The following CELSR1 variants were observed in gnomAD, a reference collection of about 807,000 sequenced individuals.
CELSR1 encodes adhesion G protein-coupled receptor C1.
In CELSR1, 110 loss-of-function variants were observed where a neutral mutation model predicts 249.1. The ratio of observed to expected loss-of-function variants is 0.44; its 90% confidence interval spans 0.38 to 0.52. The LOEUF (loss-of-function observed/expected upper bound fraction) is 0.52. Among genes scored for constraint, CELSR1 ranks in the 20% least tolerant of loss-of-function variants. CELSR1 has a pLI of 0.00. For synonymous variants in CELSR1, 2,113 were observed against 1,900.0 expected (o/e 1.11, Z -2.92); for missense variants, 4,109 against 4,296.4 (o/e 0.96, Z 1.22).
At chr22:46,421,348 G>C (rs964490251) in intron 5 of CELSR1, among the ~76,000 whole-genome samples, 5 of 152,282 alleles carry the variant, frequency 3.3e-5, no homozygotes, top group Admixed American at 2.0e-4. Context: ...GGAGGACAGT[G>C]GCTATGATGC....
At position 46,373,071 on chromosome 22, in the gene CELSR1, G is replaced by A. The variant is rs2078873619; in HGVS notation, c.7585-14C>T. The A allele has an allele frequency of 2.5e-6, 4 of 1,579,492 alleles. No homozygotes were observed. The highest frequency in any genetic ancestry group is 3.4e-6 in the Non-Finnish European group (4 of 1,160,448). ...TGTGCACAGAAACTGCGCAGGGAGG[G>A]GCCGCTCAGCAAGGGCCCCTGCATC... On this transcript the variant is annotated splice_polypyrimidine_tract_variant and intron_variant, in intron 24 of 34. Coordinates refer to ENST00000674500, the MANE Select transcript of CELSR1 (RefSeq NM_001378328.1).
Position 46,536,634 on chromosome 22 carries a change from G to A in CELSR1, c.537C>T (p.Val179=), listed in dbSNP as rs2080860075. 1.7e-6 allele frequency: 2 copies of A among 1,168,940 alleles called. No individual in the cohort carries two copies. The highest frequency in any genetic ancestry group is 1.1e-6 in the Non-Finnish European group (1 of 949,550). The allele number at this position is 1,168,940 out of a possible 1,614,324, so 72.4% of individuals were successfully genotyped here. A position where few individuals can be genotyped will look rare whatever the true frequency, so the allele number is the denominator to read the frequency against. The part of the protein sequence containing the change: ...RPICLPPGGS[V]RLRLLCALRR... ...GCAGGGCGCACAGCAGACGCAGGCG[G>A]ACCGAGCCGCCCGGCGGCAGGCAGA... The change falls in exon 1 of 35, where the codon GTC becomes GTT. Residue 179 remains valine (V), a synonymous_variant. Transcript: ENST00000674500.
rs927553695 is a variant in CELSR1 at position 46,417,656 on chromosome 22, G to C, written c.4612-5897C>G. ...TGCCCAACTCTGGCTGAGGGGGACAGGTGCTCCTGAATCCCTCACCTGCCA... is the reference window on the plus strand; with the variant it reads ...TGCCCAACTCTGGCTGAGGGGGACACGTGCTCCTGAATCCCTCACCTGCCA... On this transcript the variant is annotated intron_variant, in intron 5 of 34. Transcript: ENST00000674500. The surrounding 1 kb of genome is among the most constrained non-coding windows in gnomAD (Gnocchi z 4.1). Among the ~76,000 whole-genome samples the C allele has an allele frequency of 6.6e-6, 1 of 152,246 alleles. No individual in the cohort carries two copies. Among genetic ancestry groups the C allele is most frequent in the Non-Finnish European group, 1.5e-5 (1 of 68,048 alleles).
At chr22:46,480,602 T>C (rs1158501071) in intron 1 of CELSR1, among the ~76,000 whole-genome samples, 2 of 152,198 alleles carry the variant, frequency 1.3e-5, no homozygotes, top group African/African-American at 4.8e-5. Flanking sequence ...CAGAAACACT[T>C]CTGGTAAACA....
chr22:46,496,185 A>G (rs757505520), intron 1 of CELSR1, among the ~76,000 whole-genome samples: 40 of 134,792 alleles, frequency 3.0e-4, no homozygotes, highest in Non-Finnish European at 5.1e-4. Context: ...TGGGCAACAG[A>G]ATGAGACTTT....
chr22:46,364,193 C>A lies in CELSR1; in HGVS notation c.8838G>T (p.Leu2946=). ...PPPLTLTEQT[L]KGRLREKLAD... is the part of the protein sequence containing the mutation. ...CCAGCTTCTCCCGGAGCCGGCCCTT[C>A]AGCGTCTGCTCCGTCAGCGTCAGCG... is the stretch of plus-strand genomic sequence containing the variant. Residue 2946 remains leucine, a synonymous_variant, in exon 34 of 35, where the codon CTG becomes CTT. Transcript: ENST00000674500. 6.2e-7 allele frequency: 1 copy of A among 1,611,994 alleles called. No homozygotes were observed. Among genetic ancestry groups the A allele is most frequent in the Non-Finnish European group, 8.5e-7 (1 of 1,179,792 alleles).
At chr22:46,489,389 C>T (rs2080346280) in intron 1 of CELSR1, among the ~76,000 whole-genome samples, 1 of 151,660 alleles carries the variant, frequency 6.6e-6, no homozygotes, top group Non-Finnish European at 1.5e-5. Context: ...TGCAATCCGT[C>T]ACCACCGTGA....
intron 1 of CELSR1, among the ~76,000 whole-genome samples, chr22:46,498,680 G>A (rs1267137454): frequency 1.3e-5 from 2 of 152,018 alleles, no homozygotes; most frequent in Non-Finnish European, 2.9e-5. Context: ...CATGGACAGG[G>A]AGGTGACAGA....
At chr22:46,462,099 G>A (rs900527677) in intron 2 of CELSR1, among the ~76,000 whole-genome samples, 1 of 152,204 alleles carries the variant, frequency 6.6e-6, no homozygotes, top group South Asian at 2.1e-4. Flanking sequence ...GGGGTCTCCC[G>A]CCGCCTCTGC....
At chr22:46,431,231 C>T (rs1050286704) in intron 5 of CELSR1, among the ~76,000 whole-genome samples, 1 of 152,240 alleles carries the variant, frequency 6.6e-6, no homozygotes, top group Non-Finnish European at 1.5e-5. Flanking sequence ...CGGAAAGGGG[C>T]GGCCACAGGC....
At position 46,412,734 on chromosome 22, in the gene CELSR1, G is replaced by A. The variant is rs959808958; in HGVS notation, c.4612-975C>T. 3.3e-5 allele frequency among the ~76,000 whole-genome samples: 5 copies of A among 152,114 alleles called. No homozygotes were observed. Among genetic ancestry groups the A allele is most frequent in the African/African-American group, 9.7e-5 (4 of 41,412 alleles). ...CCTTCCAGGAGGAAAAGCAGCACCC[G>A]CCCTACACAATCCATGCTGGCCACG... On this transcript the variant is annotated intron_variant, in intron 5 of 34. Coordinates refer to ENST00000674500, the MANE Select transcript of CELSR1 (RefSeq NM_001378328.1). The surrounding 1 kb of genome is among the most constrained non-coding windows in gnomAD (Gnocchi z 4.5).
chr22:46,479,144 G>A (rs997210678), intron 1 of CELSR1, among the ~76,000 whole-genome samples: 3 of 151,654 alleles, frequency 2.0e-5, no homozygotes, highest in Admixed American at 2.0e-4. Flanking sequence ...CCGGAGTCTC[G>A]CATGCTCACA....
Position 46,440,687 on chromosome 22 carries a change from A to G in CELSR1, c.4184-1276T>C, listed in dbSNP as rs1450090200. Among the ~76,000 whole-genome samples, 1 of 152,160 alleles carries G rather than the reference A, an allele frequency of 6.6e-6. No individual in the cohort carries two copies. The highest frequency in any genetic ancestry group is 2.4e-5 in the African/African-American group (1 of 41,418). On this transcript the variant is annotated intron_variant, in intron 2 of 34. Transcript: ENST00000674500. This position sits in a 1 kb window ranked among gnomAD's most constrained non-coding sequence, Gnocchi z 4.7. ...TGGTCCTGCTCTTATTGTGTTATAGAAGCTCCTCGTAAATTATGGAAGGAA... is the reference window on the plus strand; with the variant it reads ...TGGTCCTGCTCTTATTGTGTTATAGGAGCTCCTCGTAAATTATGGAAGGAA...
chr22:46,497,440 G>A (rs891779940), intron 1 of CELSR1, among the ~76,000 whole-genome samples: 28 of 152,260 alleles, frequency 1.8e-4, no homozygotes, highest in African/African-American at 3.8e-4. Context: ...CTCTCTCCCC[G>A]GGAGAATCTG....
rs191370422 is a variant in CELSR1 at position 46,361,271 on chromosome 22, T to C, written c.*1952A>G. The stretch of plus-strand genomic sequence containing the variant: ...TACACGTTCTGTTAAAAACCTCCAG[T>C]GTCTAATCTCTCCCATAAAGTCTTA... On this transcript the variant is annotated 3_prime_UTR_variant, in exon 35 of 35. Transcript: ENST00000674500. 2.0e-5 allele frequency: 3 copies of C among 152,748 alleles called. No homozygotes were observed. Among genetic ancestry groups the C allele is most frequent in the Non-Finnish European group, 4.4e-5 (3 of 68,040 alleles). The allele number at this position is 152,748 out of a possible 1,614,324, so 9.5% of individuals were successfully genotyped here.
intron 1 of CELSR1, among the ~76,000 whole-genome samples, chr22:46,519,734 C>T (rs1023940152): frequency 2.6e-5 from 4 of 152,318 alleles, no homozygotes; most frequent in South Asian, 2.1e-4. Flanking sequence ...GCCAGAAACA[C>T]GAAGCCTTCC....
chr22:46,509,747 G>A (rs192843649), intron 1 of CELSR1, among the ~76,000 whole-genome samples: 1 of 152,146 alleles, frequency 6.6e-6, no homozygotes, highest in South Asian at 2.1e-4. Flanking sequence ...GCTGGCCTCA[G>A]GGAGCTGGGA....
Position 46,363,386 on chromosome 22 carries a change from G to C in CELSR1, c.9036-139C>G. The C allele has an allele frequency of 3.0e-6, 2 of 676,926 alleles. No individual in the cohort carries two copies. The highest frequency in any genetic ancestry group is 1.8e-5 in the African/African-American group (1 of 55,758). The allele number at this position is 676,926 out of a possible 1,614,324, so 41.9% of individuals were successfully genotyped here. A position where few individuals can be genotyped will look rare whatever the true frequency, so the allele number is the denominator to read the frequency against. ...CGTCTGGGGGCTCCAGGGAGGGCAA[G>C]CTCATGTTGGATGAGGCTGCCCTTG... On this transcript the variant is annotated intron_variant, in intron 34 of 34. Transcript: ENST00000674500. The surrounding 1 kb of genome is among the most constrained non-coding windows in gnomAD (Gnocchi z 4.3).
At position 46,500,484 on chromosome 22, in the gene CELSR1, C is replaced by T. The variant is rs2080455828; in HGVS notation, c.3544+33143G>A. Among the ~76,000 whole-genome samples, 1 of 152,144 alleles carries T rather than the reference C, an allele frequency of 6.6e-6. No individual in the cohort carries two copies. Among genetic ancestry groups the T allele is most frequent in the South Asian group, 2.1e-4 (1 of 4,826 alleles). ...ACAATGGCAAGGCTCTGGGCTTATT[C>T]AGATGACTGGGGTGTGCTGAATGGG... On this transcript the variant is annotated intron_variant, in intron 1 of 34. Transcript: ENST00000674500. This position sits in a 1 kb window ranked among gnomAD's most constrained non-coding sequence, Gnocchi z 4.9.
Sources: allele counts gnomAD v4.1 joint callset (sites outside exome capture counted in the v4.1 genomes callset), GRCh38; gene constraint gnomAD v4.1.1; non-coding constraint Gnocchi (gnomAD v3.1); transcripts MANE v1.5; gene names NCBI Gene and HGNC (gene_info 2026-07-23, HGNC 2026-07-21).